ANXA7: variants seen among roughly 807,000 people sequenced by gnomAD.
The protein encoded by ANXA7 is annexin A7, also known as annexin VII.
Under a neutral mutation model 64.9 loss-of-function variants are expected in ANXA7, and 55 were observed. The ratio of observed to expected loss-of-function variants is 0.85; its 90% CI spans 0.68 to 1.06. The LOEUF (loss-of-function observed/expected upper bound fraction) is 1.06, where lower values mean the gene tolerates loss of function less well. ANXA7 is among the 50% of genes least tolerant of loss of function. ANXA7 has a pLI of 0.00. For synonymous variants in ANXA7, 200 were observed against 192.4 expected, an observed-to-expected ratio of 1.04 and a Z score of -0.33; for missense variants, 548 against 582.1, an observed-to-expected ratio of 0.94 and a Z score of 0.60.
At chr10:73,395,529 A>C (rs1303884553) in intron 5 of ANXA7, among the ~76,000 whole-genome samples, 4 of 152,206 alleles carry the variant, frequency 2.6e-5, no homozygotes, top group African/African-American at 9.6e-5. Flanking sequence ...CATGCCTGTA[A>C]TCCCAGCTCT....
chr10:73,406,315 G>A (rs1310703215), intron 1 of ANXA7, among the ~76,000 whole-genome samples: 1 of 151,998 alleles, frequency 6.6e-6, no homozygotes, highest in Non-Finnish European at 1.5e-5. Context: ...CTGTTCTCAT[G>A]GTCATATACT....
At chr10:73,409,474 A>AGAT (rs776656782) in intron 1 of ANXA7, among the ~76,000 whole-genome samples, 9 of 152,200 alleles carry the variant, frequency 5.9e-5, no homozygotes, top group Non-Finnish European at 1.2e-4. Context: ...AGGAGATGAC[A>AGAT]GATCTCTACA....
At position 73,375,643 on chromosome 10, in the gene ANXA7, T is replaced by C. The variant is rs2055157748; in HGVS notation, c.*452A>G. On this transcript the variant is annotated 3_prime_UTR_variant, in exon 13 of 13. Coordinates refer to ENST00000372921, the MANE Select transcript of ANXA7 (RefSeq NM_001156.5). ...AGGCAAAATGAGATGCAAATTATTC[T>C]AGATGTAAAGGTTGAATTTTTTTTT... 6.8e-6 allele frequency: 1 copy of C among 146,468 alleles called. No homozygotes were observed. Among genetic ancestry groups the C allele is most frequent in the Non-Finnish European group, 1.5e-5 (1 of 67,794 alleles). 9.1% of individuals were successfully genotyped at this position (146,468 alleles called of 1,614,324 possible). A position where few individuals can be genotyped will look rare whatever the true frequency, so the allele number is the denominator to read the frequency against.
At chr10:73,413,617 G>T (rs930521297) in intron 1 of ANXA7, among the ~76,000 whole-genome samples, 8 of 152,172 alleles carry the variant, frequency 5.3e-5, no homozygotes, top group Admixed American at 5.2e-4. Flanking sequence ...CCCTAAATTC[G>T]CTGTGTCACC....
intron 5 of ANXA7, among the ~76,000 whole-genome samples, chr10:73,393,824 A>G (rs995675113): frequency 2.0e-5 from 3 of 152,346 alleles, no homozygotes; most frequent in African/African-American, 7.2e-5. Flanking sequence ...CTAAAACACC[A>G]AAAGCAATGG....
chr10:73,413,870 A>G (rs1259190563), intron 1 of ANXA7, 142 bp downstream of exon 1: 2 of 153,254 alleles, frequency 1.3e-5, no homozygotes, highest in African/African-American at 4.8e-5. Flanking sequence ...AGACGCGCAA[A>G]CCGAGTCGCC....
chr10:73,396,147 G>T, intron 5 of ANXA7: 1 of 1,322,560 alleles, frequency 7.6e-7, no homozygotes, highest in Non-Finnish European at 1.1e-6. Context: ...GTAAAAATGG[G>T]AAACAAAACC....
intron 5 of ANXA7, among the ~76,000 whole-genome samples, chr10:73,393,492 T>C (rs2055519436): frequency 6.6e-6 from 1 of 152,216 alleles, no homozygotes; most frequent in Non-Finnish European, 1.5e-5. Context: ...AACAGCATGG[T>C]ACTGGTACCA....
At chr10:73,381,581 C>G (rs989977031) in intron 9 of ANXA7, 1 of 152,172 alleles carries the variant, frequency 6.6e-6, no homozygotes, top group African/African-American at 2.4e-5. Context: ...GGAAAAGGTA[C>G]TCACAAAAAA....
intron 7 of ANXA7, among the ~76,000 whole-genome samples, chr10:73,385,993 C>G (rs958776774): frequency 6.6e-6 from 1 of 152,082 alleles, no homozygotes; most frequent in Non-Finnish European, 1.5e-5. Flanking sequence ...GCAGGCAGAT[C>G]ACATGAGGCC....
chr10:73,398,684 A>C (rs983353163), intron 2 of ANXA7, among the ~76,000 whole-genome samples: 13 of 152,154 alleles, frequency 8.5e-5, no homozygotes, highest in African/African-American at 2.9e-4. Context: ...GAAAAAAAAA[A>C]AACTCATCAG....
intron 5 of ANXA7, 119 bp downstream of exon 5, chr10:73,396,400 C>T: frequency 2.7e-6 from 2 of 738,230 alleles, no homozygotes; most frequent in Non-Finnish European, 4.6e-6. Context: ...GAAGTAAAGA[C>T]TTTAGTCTTC....
In ANXA7 at chr10:73,397,178, T is replaced by C; in HGVS notation, c.356A>G (p.Gln119Arg). 3 of 1,596,816 alleles carry C rather than the reference T, an allele frequency of 1.9e-6. No homozygotes were observed. Among genetic ancestry groups the C allele is most frequent in the Non-Finnish European group, 2.6e-6 (3 of 1,170,752 alleles). ...PSQSYGGGPA[Q>R]VPLPGGFPGG... is the part of the protein sequence containing the mutation. ...CTGGTACCTACCAGGTAGTGGAACC[T>C]GTGCTGGACCACCTCCATAAGACTG... is the stretch of plus-strand genomic sequence containing the variant. The change falls in exon 4 of 13, where the codon CAG (glutamine) becomes CGG (arginine). Residue 119 changes from glutamine to arginine, a missense_variant. Physicochemically the swap from Gln to Arg is conservative, Grantham distance 43. Coordinates refer to ENST00000372921, the MANE Select transcript of ANXA7 (RefSeq NM_001156.5).
chr10:73,380,210 G>C lies in ANXA7; in HGVS notation c.919-9C>G, dbSNP rs1453925481. 1.9e-6 allele frequency: 3 copies of C among 1,595,950 alleles called. No homozygotes were observed. Among genetic ancestry groups the C allele is most frequent in the Non-Finnish European group, 2.6e-6 (3 of 1,175,326 alleles). ...TTCTCATCACGATTTCCCTGCAAAAGAGAAAGGCAGGAATTGGAAGAAATA... is the reference window on the plus strand; with the variant it reads ...TTCTCATCACGATTTCCCTGCAAAACAGAAAGGCAGGAATTGGAAGAAATA... On this transcript the variant is annotated splice_polypyrimidine_tract_variant and intron_variant, in intron 9 of 12. Coordinates refer to ENST00000372921, the MANE Select transcript of ANXA7 (RefSeq NM_001156.5).
At chr10:73,394,126 G>A (rs1047365455) in intron 5 of ANXA7, among the ~76,000 whole-genome samples, 2 of 152,242 alleles carry the variant, frequency 1.3e-5, no homozygotes, top group East Asian at 1.9e-4. Context: ...ATCATCACTG[G>A]CCATCAGAGA....
At chr10:73,397,749 C>T (rs959341288) in intron 3 of ANXA7, among the ~76,000 whole-genome samples, 2 of 152,324 alleles carry the variant, frequency 1.3e-5, no homozygotes, top group Admixed American at 1.3e-4. Flanking sequence ...TGAGACACCA[C>T]ACCCAGCCAA....
intron 6 of ANXA7, 110 bp from the exon 7 acceptor site, chr10:73,387,893 G>C (rs555501119): frequency 4.2e-6 from 3 of 706,590 alleles, no homozygotes; most frequent in African/African-American, 2.5e-5. Flanking sequence ...CACCCAGACT[G>C]GGGGTGCAAG....
intron 5 of ANXA7, among the ~76,000 whole-genome samples, chr10:73,390,233 C>T (rs569316628): frequency 3.3e-5 from 5 of 152,240 alleles, no homozygotes; most frequent in African/African-American, 7.2e-5. Context: ...TAAAGTTATA[C>T]ACATTGAATA....
chr10:73,394,762 T>A (rs2055543073), intron 5 of ANXA7, among the ~76,000 whole-genome samples: 1 of 152,072 alleles, frequency 6.6e-6, no homozygotes, highest in African/African-American at 2.4e-5. Context: ...CTAATATAAA[T>A]GACGAGTTAA....
Sources: allele counts gnomAD v4.1 joint callset (sites outside exome capture counted in the v4.1 genomes callset), GRCh38; gene constraint gnomAD v4.1.1; transcripts MANE v1.5; gene names NCBI Gene and HGNC (gene_info 2026-07-23, HGNC 2026-07-21).